The following GAB2 variants were observed in gnomAD, a reference collection of about 807,000 sequenced individuals.
GAB2 encodes the protein GRB2-associated-binding protein 2.
A neutral mutation model predicts 65.5 loss-of-function variants in GAB2; 26 were observed. The observed-to-expected ratio is 0.40, with a 90% confidence interval of 0.29 to 0.55. GAB2 has a LOEUF of 0.55. GAB2 is among the 20% of genes least tolerant of loss of function. The probability of loss-of-function intolerance (pLI) is 0.53; values close to 1 mark genes in which losing one functional copy is unlikely to be tolerated. For synonymous variants in GAB2, 321 were observed against 329.6 expected (o/e 0.97, Z 0.28); for missense variants, 884 against 875.8 (o/e 1.01, Z -0.12).
chr11:78,416,560 T>C (rs1273390680), intron 1 of GAB2, among the ~76,000 whole-genome samples: 2 of 152,188 alleles, frequency 1.3e-5, no homozygotes, highest in Non-Finnish European at 2.9e-5. Context: ...TTCCAGGCTG[T>C]GGGAGTGATC....
At chr11:78,352,071 A>G (rs547402044) in intron 1 of GAB2, among the ~76,000 whole-genome samples, 449 of 152,134 alleles carry the variant, frequency 3.0e-3, no homozygotes, top group Admixed American at 5.8e-3. Context: ...AAATTAGCCA[A>G]GTGTGGTGGT....
intron 1 of GAB2, among the ~76,000 whole-genome samples, chr11:78,341,009 A>T (rs184109134): frequency 2.0e-5 from 3 of 152,338 alleles, no homozygotes; most frequent in African/African-American, 7.2e-5. Flanking sequence ...CATCTTCAGC[A>T]ACATTCAAAG....
chr11:78,361,604 TATAA>T (rs1856436085), intron 1 of GAB2, among the ~76,000 whole-genome samples: 1 of 152,208 alleles, frequency 6.6e-6, no homozygotes. Context: ...GACAAATAAC[TATAA>T]ATGATTTTTA....
At chr11:78,233,282 GT>G (rs1864897824) in intron 3 of GAB2, among the ~76,000 whole-genome samples, 1 of 152,096 alleles carries the variant, frequency 6.6e-6, no homozygotes, top group South Asian at 2.1e-4. Flanking sequence ...CAATCCGCCT[GT>G]CTTGGTCTCC....
At chr11:78,368,612 A>C (rs895608805) in intron 1 of GAB2, among the ~76,000 whole-genome samples, 4 of 152,232 alleles carry the variant, frequency 2.6e-5, no homozygotes, top group African/African-American at 9.6e-5. Flanking sequence ...ATACTAGTGC[A>C]TACCAAATGA....
chr11:78,332,349 G>C (rs1855929618), intron 1 of GAB2, among the ~76,000 whole-genome samples: 1 of 152,198 alleles, frequency 6.6e-6, no homozygotes, highest in African/African-American at 2.4e-5. Flanking sequence ...AACCTAGGGA[G>C]ATCAACTTAA....
At chr11:78,291,567 T>TTC (rs1224751932) in intron 1 of GAB2, among the ~76,000 whole-genome samples, 18 of 100,646 alleles carry the variant, frequency 1.8e-4, no homozygotes, top group Non-Finnish European at 2.4e-4. Context: ...TTTTCTTTTT[T>TTC]TTTTTTTTTT....
At chr11:78,314,162 G>T (rs1446772293) in intron 1 of GAB2, among the ~76,000 whole-genome samples, 7 of 152,168 alleles carry the variant, frequency 4.6e-5, no homozygotes, top group Non-Finnish European at 5.9e-5. Flanking sequence ...TTGACATAGG[G>T]CTCGCATGTA....
chr11:78,309,926 A>ATGTGTGTGTGTGTG (rs60718900), intron 1 of GAB2, among the ~76,000 whole-genome samples: 36 of 135,696 alleles, frequency 2.7e-4, no homozygotes, highest in East Asian at 1.8e-3. Flanking sequence ...AGGGTTAGAA[A>ATGTGTGTGTGTGTG]TGTGTGTGTG....
chr11:78,242,984 G>A (rs1352493289), intron 3 of GAB2, among the ~76,000 whole-genome samples: 1 of 150,848 alleles, frequency 6.6e-6, no homozygotes, highest in African/African-American at 2.4e-5. Context: ...CCAACATGGT[G>A]AAACTCCGTC....
chr11:78,360,000 A>G (rs1017492698), intron 1 of GAB2, among the ~76,000 whole-genome samples: 3 of 152,216 alleles, frequency 2.0e-5, no homozygotes, highest in African/African-American at 7.2e-5. Context: ...ATATGTATCC[A>G]TATAAGACAG....
intron 1 of GAB2, among the ~76,000 whole-genome samples, chr11:78,345,637 A>G (rs1856168108): frequency 6.6e-6 from 1 of 152,216 alleles, no homozygotes; most frequent in South Asian, 2.1e-4. Context: ...GAGGCTTCTT[A>G]GAAGAACTAC....
chr11:78,249,783 G>A (rs571806451), intron 3 of GAB2, among the ~76,000 whole-genome samples: 20 of 152,224 alleles, frequency 1.3e-4, no homozygotes, highest in African/African-American at 4.8e-4. Flanking sequence ...GCAAAAGCAA[G>A]GTATGGATTT....
intron 1 of GAB2, among the ~76,000 whole-genome samples, chr11:78,306,724 T>C (rs749380776): frequency 6.6e-6 from 1 of 152,212 alleles, no homozygotes; most frequent in African/African-American, 2.4e-5. Flanking sequence ...TGAAAGGATG[T>C]ACAGACAGTG....
intron 1 of GAB2, among the ~76,000 whole-genome samples, chr11:78,288,881 T>C (rs1015153941): frequency 6.6e-6 from 1 of 152,102 alleles, no homozygotes; most frequent in Non-Finnish European, 1.5e-5. Context: ...TTCTGAAAAA[T>C]AAAATGGGAA....
intron 3 of GAB2, among the ~76,000 whole-genome samples, chr11:78,228,708 C>T (rs530684912): frequency 1.6e-4 from 25 of 152,022 alleles, no homozygotes; most frequent in Non-Finnish European, 3.4e-4. Context: ...GATGCTCCTC[C>T]TTGGGCCTCT....
chr11:78,301,071 T>C (rs1463885244), intron 1 of GAB2, among the ~76,000 whole-genome samples: 1 of 152,188 alleles, frequency 6.6e-6, no homozygotes, highest in Non-Finnish European at 1.5e-5. Flanking sequence ...TTGTCATTTA[T>C]CTTCTTTTGT....
At chr11:78,385,777 G>T (rs1294156616) in intron 1 of GAB2, among the ~76,000 whole-genome samples, 3 of 152,152 alleles carry the variant, frequency 2.0e-5, no homozygotes, top group Non-Finnish European at 4.4e-5. Context: ...TAGATGTGAT[G>T]AAAGAATACA....
intron 1 of GAB2, among the ~76,000 whole-genome samples, chr11:78,408,100 AAAG>A (rs2135093088): frequency 6.6e-6 from 1 of 152,352 alleles, no homozygotes; most frequent in African/African-American, 2.4e-5. Flanking sequence ...AAACATCAGC[AAAG>A]AAGAAAGCAC....
Sources: gnomAD v4.1 joint callset for allele counts (sites outside exome capture counted in the v4.1 genomes callset) on GRCh38, gnomAD v4.1.1 for gene constraint, MANE v1.5 for transcripts, NCBI Gene and HGNC (gene_info 2026-07-23, HGNC 2026-07-21) for gene names.